Variants in USH2A observed in about 807,000 individuals in gnomAD.
The protein encoded by USH2A is usherin.
In USH2A, 443 loss-of-function variants were observed where a neutral mutation model predicts 538.9. That is an observed-to-expected ratio of 0.82 (90% confidence interval 0.76 to 0.89). USH2A has a LOEUF of 0.89. USH2A is among the 40% of genes least tolerant of loss of function. The pLI, the probability that USH2A is intolerant of heterozygous loss-of-function variation, is 0.00. For missense variants in USH2A, 6,633 were observed against 6,324.8 expected (o/e 1.05, Z -1.65); for synonymous variants, 2,413 against 2,273.5 (o/e 1.06, Z -1.75).
chr1:216,340,826 G>T (rs141659628), intron 4 of USH2A, among the ~76,000 whole-genome samples: 8,062 of 152,070 alleles, frequency 0.053, 294 homozygotes, highest in Middle Eastern at 0.11. Context: ...AATAAACTAG[G>T]TATTGATGGA....
At chr1:215,760,294 C>G (rs1335554718) in intron 56 of USH2A, among the ~76,000 whole-genome samples, 1 of 152,122 alleles carries the variant, frequency 6.6e-6, no homozygotes, top group East Asian at 1.9e-4. Flanking sequence ...CCTCTGGCCT[C>G]ATTTACTGGG....
chr1:215,859,899 G>C (rs146977697), intron 44 of USH2A, among the ~76,000 whole-genome samples: 2 of 152,310 alleles, frequency 1.3e-5, no homozygotes, highest in Non-Finnish European at 2.9e-5. Flanking sequence ...GACCTCCAGT[G>C]TACTAGTTTT....
chr1:216,079,715 CA>C, intron 26 of USH2A, among the ~76,000 whole-genome samples: 1 of 152,150 alleles, frequency 6.6e-6, no homozygotes, highest in South Asian at 2.1e-4. Flanking sequence ...CTTAGCCTAC[CA>C]GACATAAGAA....
intron 47 of USH2A, among the ~76,000 whole-genome samples, chr1:215,829,245 G>A (rs1663246126): frequency 6.6e-6 from 1 of 152,158 alleles, no homozygotes; most frequent in Non-Finnish European, 1.5e-5. Context: ...TATTATTTGT[G>A]TGCTATGGAA....
chr1:215,740,001 A>G (rs190544564), intron 60 of USH2A, among the ~76,000 whole-genome samples: 45 of 152,266 alleles, frequency 3.0e-4, no homozygotes, highest in African/African-American at 9.6e-4. Flanking sequence ...AAGGAAATAC[A>G]TTGCTTTCAG....
intron 11 of USH2A, among the ~76,000 whole-genome samples, chr1:216,286,567 G>C (rs1458940887): frequency 6.6e-6 from 1 of 151,706 alleles, no homozygotes; most frequent in Non-Finnish European, 1.5e-5. Context: ...ACAAAAAAAA[G>C]AAAAAAATTA....
intron 21 of USH2A, among the ~76,000 whole-genome samples, chr1:216,135,375 A>G (rs568981949): frequency 3.3e-5 from 5 of 152,210 alleles, no homozygotes; most frequent in African/African-American, 9.6e-5. Context: ...AATATTTTGC[A>G]TATTTCGGTG....
chr1:216,283,030 T>G (rs1020360732), intron 11 of USH2A, among the ~76,000 whole-genome samples: 7 of 152,226 alleles, frequency 4.6e-5, no homozygotes, highest in African/African-American at 1.7e-4. Context: ...TATGGAAATA[T>G]AATTGATCTT....
chr1:215,889,908 A>T (rs570399764), intron 40 of USH2A, among the ~76,000 whole-genome samples: 4 of 152,200 alleles, frequency 2.6e-5, no homozygotes, highest in Admixed American at 2.6e-4. Context: ...CTGCGGGGGC[A>T]AAGTGTTATT....
intron 12 of USH2A, among the ~76,000 whole-genome samples, chr1:216,248,308 G>C (rs1190378375): frequency 6.6e-6 from 1 of 151,854 alleles, no homozygotes; most frequent in Non-Finnish European, 1.5e-5. Flanking sequence ...GTATTACAAG[G>C]CAAAGAAATA....
chr1:216,091,246 T>A (rs1207561105), intron 22 of USH2A, among the ~76,000 whole-genome samples: 1 of 152,210 alleles, frequency 6.6e-6, no homozygotes, highest in Non-Finnish European at 1.5e-5. Context: ...TATTCAGAAT[T>A]GTTTTAAAGC....
intron 3 of USH2A, among the ~76,000 whole-genome samples, chr1:216,373,025 C>A (rs1008732135): frequency 5.9e-5 from 9 of 152,116 alleles, no homozygotes; most frequent in African/African-American, 1.9e-4. Context: ...AGTGAGTCAA[C>A]CTCTTTTGTC....
chr1:215,862,938 G>GCATACAAT (rs1553270589), intron 44 of USH2A, among the ~76,000 whole-genome samples: 2 of 152,120 alleles, frequency 1.3e-5, no homozygotes, highest in Non-Finnish European at 1.5e-5. Flanking sequence ...CAATGTTGGC[G>GCATACAAT]GTTGTCATTT....
At chr1:216,147,342 T>A (rs922892677) in intron 21 of USH2A, among the ~76,000 whole-genome samples, 1 of 152,138 alleles carries the variant, frequency 6.6e-6, no homozygotes, top group African/African-American at 2.4e-5. Flanking sequence ...TTTCGTTCCG[T>A]GACTAGCCCT....
intron 21 of USH2A, among the ~76,000 whole-genome samples, chr1:216,123,840 T>C (rs1170701856): frequency 1.3e-5 from 2 of 152,168 alleles, no homozygotes; most frequent in Non-Finnish European, 2.9e-5. Context: ...AAGAAAGTTT[T>C]CTTTTTCCTG....
intron 3 of USH2A, among the ~76,000 whole-genome samples, chr1:216,387,040 T>TC (rs936772396): frequency 1.3e-5 from 2 of 152,270 alleles, no homozygotes; most frequent in African/African-American, 4.8e-5. Flanking sequence ...AGGAATTACT[T>TC]CAAGAACATA....
chr1:216,009,796 G>C (rs184155770), intron 32 of USH2A, among the ~76,000 whole-genome samples: 2 of 152,004 alleles, frequency 1.3e-5, no homozygotes, highest in South Asian at 4.1e-4. Context: ...TTACAGTTTC[G>C]TTCCATGACT....
At chr1:216,023,457 G>GATAAAAAAAAA (rs1571897159) in intron 32 of USH2A, among the ~76,000 whole-genome samples, 1 of 3,854 alleles carries the variant, frequency 2.6e-4, no homozygotes, top group African/African-American at 1.2e-3. Context: ...GTTCAAAGCA[G>GATAAAAAAAAA]ACAAAAAAAA....
intron 21 of USH2A, among the ~76,000 whole-genome samples, chr1:216,136,378 C>A (rs750325005): frequency 7.9e-5 from 12 of 152,132 alleles, no homozygotes; most frequent in Non-Finnish European, 1.2e-4. Flanking sequence ...TTTGAAATAT[C>A]ATCCAATTGC....
Sources: gnomAD v4.1 joint callset for allele counts (sites outside exome capture counted in the v4.1 genomes callset) on GRCh38, gnomAD v4.1.1 for gene constraint, MANE v1.5 for transcripts, NCBI Gene and HGNC (gene_info 2026-07-23, HGNC 2026-07-21) for gene names.